Variants in CNTN5 observed in about 807,000 individuals in gnomAD.
The protein encoded by CNTN5 is contactin-5.
CNTN5 carries 77 observed loss-of-function variants against 129.1 expected under a neutral mutation model. That is an observed-to-expected ratio of 0.60 (90% CI 0.50 to 0.72). The LOEUF (loss-of-function observed/expected upper bound fraction) is 0.72, where lower values mean the gene tolerates loss of function less well. Ranked by LOEUF, CNTN5 falls within the 30% of genes least tolerant of loss-of-function variation. CNTN5 has a pLI of 0.00. For missense variants in CNTN5, 1,478 were observed against 1,328.8 expected, an observed-to-expected ratio of 1.11 and a Z score of -1.75; for synonymous variants, 509 against 465.6, an observed-to-expected ratio of 1.09 and a Z score of -1.20.
intron 21 of CNTN5, among the ~76,000 whole-genome samples, chr11:100,322,338 T>C (rs530577253): frequency 6.0e-4 from 91 of 152,100 alleles, no homozygotes; most frequent in African/African-American, 1.6e-3. Flanking sequence ...TTTTCCTGCC[T>C]CAGCCTCCCG....
intron 1 of CNTN5, among the ~76,000 whole-genome samples, chr11:99,195,725 A>G (rs991607741): frequency 2.0e-5 from 3 of 152,098 alleles, no homozygotes; most frequent in Admixed American, 1.3e-4. Context: ...CAAATGGACT[A>G]AAATATGGCG....
intron 1 of CNTN5, among the ~76,000 whole-genome samples, chr11:99,073,922 C>A (rs1291753934): frequency 6.6e-6 from 1 of 152,122 alleles, no homozygotes; most frequent in African/African-American, 2.4e-5. Context: ...AATGGTATTT[C>A]TGGTTCTAGA....
At chr11:99,968,863 T>C (rs1951171289) in intron 8 of CNTN5, among the ~76,000 whole-genome samples, 1 of 151,866 alleles carries the variant, frequency 6.6e-6, no homozygotes, top group African/African-American at 2.4e-5. Context: ...CTAAGGAAGC[T>C]GAATAATATA....
intron 3 of CNTN5, among the ~76,000 whole-genome samples, chr11:99,694,615 A>C (rs1954185403): frequency 6.6e-6 from 1 of 151,988 alleles, no homozygotes; most frequent in Admixed American, 6.6e-5. Context: ...GGTTTGCTGC[A>C]CCTATCAACC....
intron 21 of CNTN5, chr11:100,337,369 A>G (rs1565437360): frequency 1.2e-6 from 1 of 812,178 alleles, no homozygotes; most frequent in African/African-American, 1.7e-5. Context: ...CAAAGCGAAC[A>G]GCCAGCCCTC....
chr11:99,617,247 C>G (rs1449440488), intron 3 of CNTN5, among the ~76,000 whole-genome samples: 5 of 152,186 alleles, frequency 3.3e-5, no homozygotes, highest in Non-Finnish European at 7.3e-5. Context: ...GTAGCATGAT[C>G]AGTTCAGATC....
chr11:99,357,249 T>A lies in CNTN5; in HGVS notation c.-71+31765T>A, dbSNP rs150293257. Among the ~76,000 whole-genome samples the A allele has an allele frequency of 5.2e-3, 786 of 152,254 alleles. 15 individuals are homozygous for A. The highest frequency in any genetic ancestry group is 0.017 in the African/African-American group (704 of 41,524). Reference sequence around the variant, plus strand: ...GCTTCTTAAACCTTATTTGCCTCTTTTTAAAATTCTCAGACTTCAATATTC... The same window carrying A: ...GCTTCTTAAACCTTATTTGCCTCTTATTAAAATTCTCAGACTTCAATATTC... On this transcript the variant is annotated intron_variant, in intron 2 of 24. Coordinates refer to ENST00000524871, the MANE Select transcript of CNTN5 (RefSeq NM_014361.4).
In CNTN5 at chr11:99,915,674, G is replaced by C. The variant is rs558597341; in HGVS notation, c.578-380G>C. ...AATGAAGAAGCCGGTGGGACACCAA[G>C]TCCTCTAACCAGTTCTGTTTCTCTT... On this transcript the variant is annotated intron_variant, in intron 6 of 24. Transcript: ENST00000524871. Among the ~76,000 whole-genome samples, 15 of 152,266 alleles carry C rather than the reference G, an allele frequency of 9.9e-5. No homozygotes were observed. The East Asian group carries it at 2.7e-3, about 27-fold the overall frequency.
At chr11:99,898,487 C>T (rs899096745) in intron 6 of CNTN5, among the ~76,000 whole-genome samples, 2 of 152,124 alleles carry the variant, frequency 1.3e-5, no homozygotes, top group African/African-American at 4.8e-5. Flanking sequence ...TAGCATAGTT[C>T]CTGCTTCAAT....
intron 4 of CNTN5, among the ~76,000 whole-genome samples, chr11:99,843,916 G>A (rs1164747807): frequency 2.0e-5 from 3 of 152,084 alleles, no homozygotes; most frequent in African/African-American, 4.8e-5. Flanking sequence ...TCTTAGATAC[G>A]CACACGATGC....
intron 23 of CNTN5, 109 bp downstream of exon 23, chr11:100,341,314 TCA>T: frequency 1.3e-6 from 1 of 749,418 alleles, no homozygotes; most frequent in Non-Finnish European, 2.3e-6. Flanking sequence ...CTATTTTTTC[TCA>T]GTCATTTTCT....
At chr11:99,936,934 G>A (rs1322166358) in intron 7 of CNTN5, among the ~76,000 whole-genome samples, 1 of 152,150 alleles carries the variant, frequency 6.6e-6, no homozygotes, top group African/African-American at 2.4e-5. Context: ...TCATTAGCAA[G>A]GAAACAACCA....
At chr11:99,511,642 G>T (rs1279730901) in intron 2 of CNTN5, among the ~76,000 whole-genome samples, 1 of 151,808 alleles carries the variant, frequency 6.6e-6, no homozygotes, top group African/African-American at 2.4e-5. Context: ...TGACAGTGGG[G>T]TGTTAAAGTC....
At chr11:99,631,143 G>A (rs1951332769) in intron 3 of CNTN5, among the ~76,000 whole-genome samples, 1 of 152,052 alleles carries the variant, frequency 6.6e-6, no homozygotes, top group Admixed American at 6.6e-5. Context: ...TCAGTTTATT[G>A]AAATACAGTG....
intron 2 of CNTN5, among the ~76,000 whole-genome samples, chr11:99,375,302 C>CAAAAAA (rs397848951): frequency 0.022 from 1,154 of 53,556 alleles, 61 homozygotes; most frequent in East Asian, 0.058. Context: ...GAGTCTGTCT[C>CAAAAAA]AAAAAAAAAA....
intron 1 of CNTN5, among the ~76,000 whole-genome samples, chr11:99,247,053 A>T (rs1174319947): frequency 6.6e-6 from 1 of 152,282 alleles, no homozygotes; most frequent in East Asian, 1.9e-4. Context: ...AAATGACATA[A>T]CTTAATAGTA....
At chr11:100,159,648 T>G (rs1947374026) in intron 13 of CNTN5, among the ~76,000 whole-genome samples, 1 of 151,896 alleles carries the variant, frequency 6.6e-6, no homozygotes, top group African/African-American at 2.4e-5. Flanking sequence ...ATGCATTGGT[T>G]TAAAGAACAC....
intron 3 of CNTN5, among the ~76,000 whole-genome samples, chr11:99,768,347 TAAG>T (rs964007783): frequency 4.6e-5 from 7 of 152,260 alleles, no homozygotes; most frequent in Non-Finnish European, 7.4e-5. Context: ...ATGTATCTCC[TAAG>T]AAGAACATCG....
At chr11:99,663,393 G>A (rs1052801588) in intron 3 of CNTN5, among the ~76,000 whole-genome samples, 1 of 152,178 alleles carries the variant, frequency 6.6e-6, no homozygotes, top group Non-Finnish European at 1.5e-5. Context: ...CCTTGAACCT[G>A]GGAGACAGAG....
Sources: allele counts gnomAD v4.1 joint callset (sites outside exome capture counted in the v4.1 genomes callset), GRCh38; gene constraint gnomAD v4.1.1; transcripts MANE v1.5; gene names NCBI Gene and HGNC (gene_info 2026-07-23, HGNC 2026-07-21).